Variants in OTOGL observed in about 807,000 individuals in gnomAD.
OTOGL encodes the protein otogelin-like protein.
Under a neutral mutation model 318.5 loss-of-function variants are expected in OTOGL, and 285 were observed. The ratio of observed to expected loss-of-function variants is 0.89; its 90% CI spans 0.81 to 0.99. The LOEUF is 0.99. Among genes scored for constraint, OTOGL ranks in the 50% least tolerant of loss-of-function variants. The pLI, the probability that OTOGL is intolerant of heterozygous loss-of-function variation, is 0.00. For missense variants in OTOGL, 2,899 were observed against 2,845.6 expected (o/e 1.02, Z -0.43); for synonymous variants, 987 against 936.5 (o/e 1.05, Z -0.99).
At chr12:80,307,769 G>A (rs1402317513) in intron 29 of OTOGL, among the ~76,000 whole-genome samples, 19 of 143,186 alleles carry the variant, frequency 1.3e-4, no homozygotes, top group South Asian at 6.6e-4. Flanking sequence ...TCCCGGACGG[G>A]GTGGCTGGCC....
At chr12:80,222,695 G>A (rs1240473812) in intron 7 of OTOGL, among the ~76,000 whole-genome samples, 11 of 152,076 alleles carry the variant, frequency 7.2e-5, no homozygotes, top group South Asian at 4.1e-4. Context: ...AGGATGTCAG[G>A]GACCTCTTTC....
intron 1 of OTOGL, among the ~76,000 whole-genome samples, chr12:80,117,260 TAA>T (rs5799454): frequency 4.0e-5 from 6 of 151,722 alleles, no homozygotes; most frequent in African/African-American, 9.7e-5. Flanking sequence ...CTGGGTGACT[TAA>T]AAAAATATAT....
intron 30 of OTOGL, among the ~76,000 whole-genome samples, chr12:80,312,094 T>G (rs528346180): frequency 6.6e-6 from 1 of 152,364 alleles, no homozygotes; most frequent in South Asian, 2.1e-4. Flanking sequence ...AGATTTCACA[T>G]TGCAAAGAAC....
intron 29 of OTOGL, among the ~76,000 whole-genome samples, chr12:80,308,175 T>G (rs1260228401): frequency 7.1e-6 from 1 of 140,150 alleles, no homozygotes; most frequent in African/African-American, 2.7e-5. Context: ...CCGGACGAGG[T>G]GGCTGCCGGG....
At chr12:80,294,433 G>A (rs1885248449) in intron 26 of OTOGL, among the ~76,000 whole-genome samples, 1 of 152,114 alleles carries the variant, frequency 6.6e-6, no homozygotes, top group Admixed American at 6.6e-5. Context: ...TTCCCAAGAT[G>A]AAGAGCAAAA....
chr12:80,319,362 C>T (rs1887180225), intron 33 of OTOGL, among the ~76,000 whole-genome samples: 1 of 152,144 alleles, frequency 6.6e-6, no homozygotes, highest in Non-Finnish European at 1.5e-5. Context: ...CCATGCATGA[C>T]ATGTTGTATA....
intron 1 of OTOGL, among the ~76,000 whole-genome samples, chr12:80,122,623 G>T (rs1870551925): frequency 1.3e-5 from 2 of 152,128 alleles, no homozygotes; most frequent in Admixed American, 1.3e-4. Flanking sequence ...AGGTAAGCTT[G>T]GCAAGAAGCA....
intron 8 of OTOGL, among the ~76,000 whole-genome samples, chr12:80,231,123 T>A (rs1879320935): frequency 6.6e-6 from 1 of 152,180 alleles, no homozygotes; most frequent in African/African-American, 2.4e-5. Flanking sequence ...TATACTTCCA[T>A]AAGATTAGCT....
intron 1 of OTOGL, among the ~76,000 whole-genome samples, chr12:80,203,426 G>T (rs566284005): frequency 6.6e-6 from 1 of 151,824 alleles, no homozygotes; most frequent in Non-Finnish European, 1.5e-5. Context: ...ATCTGTAAAG[G>T]CTGTTTTGTT....
chr12:80,215,691 T>C (rs1411420152), intron 4 of OTOGL, among the ~76,000 whole-genome samples: 15 of 152,166 alleles, frequency 9.9e-5, no homozygotes, highest in African/African-American at 3.4e-4. Flanking sequence ...TCAGAGATGA[T>C]TGGCTTCCAT....
At position 80,379,086 on chromosome 12, in the gene OTOGL, A is replaced by G. The variant is rs974905749; in HGVS notation, c.*1038A>G. ...ATAAATTTATCTGAATGTATCAATA[A>G]CTTTAAAATGGAATGCTGCACTTTT... On this transcript the variant is annotated 3_prime_UTR_variant, in exon 59 of 59. Coordinates refer to ENST00000547103, the MANE Select transcript of OTOGL (RefSeq NM_001378609.3). 1 of 152,472 alleles carries G rather than the reference A, an allele frequency of 6.6e-6. No individual in the cohort carries two copies. The highest frequency in any genetic ancestry group is 2.4e-5 in the African/African-American group (1 of 41,442). The allele number at this position is 152,472 out of a possible 1,614,324, so 9.4% of individuals were successfully genotyped here.
At chr12:80,247,204 A>G (rs1361656522) in intron 11 of OTOGL, among the ~76,000 whole-genome samples, 7 of 148,666 alleles carry the variant, frequency 4.7e-5, no homozygotes, top group Non-Finnish European at 1.0e-4. Context: ...GCCTTCTGTT[A>G]GCTTTTGAAT....
intron 37 of OTOGL, among the ~76,000 whole-genome samples, chr12:80,331,177 A>T (rs1486724975): frequency 6.6e-6 from 1 of 152,124 alleles, no homozygotes; most frequent in Non-Finnish European, 1.5e-5. Flanking sequence ...ACTAATTTGG[A>T]GTACTCATAC....
chr12:80,291,855 A>T (rs989556466), intron 26 of OTOGL, among the ~76,000 whole-genome samples: 1 of 152,256 alleles, frequency 6.6e-6, no homozygotes, highest in Non-Finnish European at 1.5e-5. Flanking sequence ...ATTCTGGAGA[A>T]ATCAGATAGA....
chr12:80,127,357 T>A (rs920431774), intron 1 of OTOGL, among the ~76,000 whole-genome samples: 1 of 152,202 alleles, frequency 6.6e-6, no homozygotes, highest in Non-Finnish European at 1.5e-5. Context: ...TTTAAGAATG[T>A]TGAATATTGG....
chr12:80,376,474 G>A (rs1163142584), intron 57 of OTOGL, among the ~76,000 whole-genome samples: 1 of 152,104 alleles, frequency 6.6e-6, no homozygotes. Flanking sequence ...ATGCTTGCAT[G>A]TAATAGCACG....
intron 1 of OTOGL, among the ~76,000 whole-genome samples, chr12:80,166,430 G>T (rs1242016805): frequency 6.6e-6 from 1 of 152,092 alleles, no homozygotes; most frequent in East Asian, 1.9e-4. Context: ...TTTCAAAGAT[G>T]TAGCTCTTTT....
At chr12:80,225,945 T>A (rs1456976891) in intron 7 of OTOGL, among the ~76,000 whole-genome samples, 1 of 152,094 alleles carries the variant, frequency 6.6e-6, no homozygotes. Flanking sequence ...AAAGATTTCA[T>A]CCCAGAATAT....
chr12:80,258,406 G>T (rs1417531385), intron 18 of OTOGL, among the ~76,000 whole-genome samples: 1 of 151,952 alleles, frequency 6.6e-6, no homozygotes, highest in Non-Finnish European at 1.5e-5. Context: ...CTCAATATCA[G>T]TATGCATTAG....
Sources: gnomAD v4.1 joint callset for allele counts (sites outside exome capture counted in the v4.1 genomes callset) on GRCh38, gnomAD v4.1.1 for gene constraint, MANE v1.5 for transcripts, NCBI Gene and HGNC (gene_info 2026-07-23, HGNC 2026-07-21) for gene names.